Variants in TAFA5 observed in about 807,000 individuals in gnomAD.
TAFA5 encodes the protein TAFA chemokine like family member 5, also known as chemokine-like protein TAFA-5.
Under a neutral mutation model 15.3 loss-of-function variants are expected in TAFA5, and 6 were observed. That is an observed-to-expected ratio of 0.39 (90% CI 0.21 to 0.77). The LOEUF is 0.77. Ranked by LOEUF, TAFA5 falls within the 30% of genes least tolerant of loss-of-function variation. The probability of loss-of-function intolerance (pLI) is 0.41; values close to 1 mark genes in which losing one functional copy is unlikely to be tolerated. For missense variants in TAFA5, 161 were observed against 193.1 expected, an observed-to-expected ratio of 0.83 and a Z score of 0.98; for synonymous variants, 103 against 80.7, an observed-to-expected ratio of 1.28 and a Z score of -1.48.
chr22:48,621,912 T>G (rs1376456461), intron 1 of TAFA5, among the ~76,000 whole-genome samples: 1 of 152,150 alleles, frequency 6.6e-6, no homozygotes, highest in Non-Finnish European at 1.5e-5. Flanking sequence ...TTTGTGCCTC[T>G]GGAGGTGGCT....
chr22:48,727,187 G>A (rs1359224881), intron 3 of TAFA5, among the ~76,000 whole-genome samples: 2 of 152,142 alleles, frequency 1.3e-5, no homozygotes, highest in African/African-American at 4.8e-5. Context: ...AATACATGGG[G>A]CTGGATATAA....
chr22:48,737,078 C>G (rs6010508), intron 3 of TAFA5, among the ~76,000 whole-genome samples: 6,418 of 152,248 alleles, frequency 0.042, 450 homozygotes, highest in African/African-American at 0.15. Context: ...TCTGACAGCA[C>G]AGCAGCTGCA....
chr22:48,583,689 A>AAATACACCACACCCCCCACACACAT (rs1924195998), intron 1 of TAFA5, among the ~76,000 whole-genome samples: 3 of 123,486 alleles, frequency 2.4e-5, no homozygotes, highest in African/African-American at 9.4e-5. Flanking sequence ...ATCACACACA[A>AAATACACCACACCCCCCACACACAT]AATATACACA....
intron 1 of TAFA5, among the ~76,000 whole-genome samples, chr22:48,535,323 C>G (rs1922117599): frequency 6.6e-6 from 1 of 152,210 alleles, no homozygotes; most frequent in African/African-American, 2.4e-5. Context: ...GTAAGATGCA[C>G]ATTTACAAAT....
At chr22:48,558,492 A>G (rs1039547370) in intron 1 of TAFA5, among the ~76,000 whole-genome samples, 1 of 152,188 alleles carries the variant, frequency 6.6e-6, no homozygotes. Flanking sequence ...CTCAAAGCCA[A>G]TAATGAAGTG....
At chr22:48,559,135 C>G (rs552055851) in intron 1 of TAFA5, among the ~76,000 whole-genome samples, 2 of 152,190 alleles carry the variant, frequency 1.3e-5, no homozygotes, top group Non-Finnish European at 2.9e-5. Flanking sequence ...ATACCAGGAA[C>G]CCAGTTGGGC....
At position 48,624,395 on chromosome 22, in the gene TAFA5, G is replaced by A. The variant is rs367905146; in HGVS notation, c.113-22202G>A. ...CCTTGGAAGAGCATCCCTAGGTGCAGCACTCACTTATGGAGTGGGGGAGGG... is the reference window on the plus strand; with the variant it reads ...CCTTGGAAGAGCATCCCTAGGTGCAACACTCACTTATGGAGTGGGGGAGGG... On this transcript the variant is annotated intron_variant, in intron 1 of 3. Transcript: ENST00000402357. Among the ~76,000 whole-genome samples, 4 of 152,238 alleles carry A rather than the reference G, an allele frequency of 2.6e-5. No individual in the cohort carries two copies. The East Asian group carries it at 5.8e-4, about 22-fold the overall frequency.
intron 1 of TAFA5, among the ~76,000 whole-genome samples, chr22:48,528,945 T>C (rs1921869941): frequency 6.6e-6 from 1 of 152,126 alleles, no homozygotes; most frequent in South Asian, 2.1e-4. Context: ...AGGGGGTACA[T>C]TTCAGCTGAA....
chr22:48,629,116 C>G (rs889727367), intron 1 of TAFA5, among the ~76,000 whole-genome samples: 6 of 152,188 alleles, frequency 3.9e-5, no homozygotes, highest in Non-Finnish European at 5.9e-5. Context: ...GACGGGTGCT[C>G]TGGGGCCCCA....
chr22:48,608,382 C>T (rs930490761), intron 1 of TAFA5, among the ~76,000 whole-genome samples: 14 of 152,194 alleles, frequency 9.2e-5, no homozygotes, highest in East Asian at 5.8e-4. Context: ...CGCTGAAATA[C>T]GGTTTTGCCT....
At chr22:48,631,130 C>T (rs1249063901) in intron 1 of TAFA5, among the ~76,000 whole-genome samples, 1 of 152,212 alleles carries the variant, frequency 6.6e-6, no homozygotes, top group East Asian at 1.9e-4. Flanking sequence ...GGCTCACCCA[C>T]TCGGGACGGT....
At chr22:48,684,101 C>T (rs570602986) in intron 2 of TAFA5, among the ~76,000 whole-genome samples, 2 of 152,072 alleles carry the variant, frequency 1.3e-5, no homozygotes, top group South Asian at 4.2e-4. Context: ...TCCCAAGGCC[C>T]CGAGTCTCCT....
intron 2 of TAFA5, among the ~76,000 whole-genome samples, chr22:48,647,703 G>A (rs1926915750): frequency 7.2e-6 from 1 of 138,378 alleles, no homozygotes; most frequent in Non-Finnish European, 1.6e-5. Flanking sequence ...CAGACATGGG[G>A]GCTGCCATGG....
chr22:48,637,788 A>G (rs1555251), intron 1 of TAFA5, among the ~76,000 whole-genome samples: 130,822 of 151,948 alleles, frequency 0.86, 56,806 homozygotes, highest in East Asian at 1. Context: ...CAACACTTTC[A>G]CAGCCACTCC....
chr22:48,724,323 G>A (rs2147263008), intron 3 of TAFA5, among the ~76,000 whole-genome samples: 1 of 152,328 alleles, frequency 6.6e-6, no homozygotes, highest in Admixed American at 6.5e-5. Context: ...AGGACACAGG[G>A]ACATGTGACT....
At chr22:48,580,764 C>CG (rs1191531622) in intron 1 of TAFA5, among the ~76,000 whole-genome samples, 1 of 152,204 alleles carries the variant, frequency 6.6e-6, no homozygotes, top group Non-Finnish European at 1.5e-5. Context: ...CTGCCCCGGC[C>CG]GCCAGGCTCC....
chr22:48,597,938 A>G (rs1386987288), intron 1 of TAFA5, among the ~76,000 whole-genome samples: 1 of 152,232 alleles, frequency 6.6e-6, no homozygotes, highest in Non-Finnish European at 1.5e-5. Flanking sequence ...TGGCATGAAC[A>G]CAGGAGTCCC....
rs1569096809 is a variant in TAFA5 at position 48,729,292 on chromosome 22, T to TTTTATATTTATTTATAAATATATAA, written c.391-20545_391-20521dup. Among the ~76,000 whole-genome samples the TTTTATATTTATTTATAAATATATAA allele has an allele frequency of 7.6e-3, 655 of 85,820 alleles. 13 individuals are homozygous for TTTTATATTTATTTATAAATATATAA. Among genetic ancestry groups the TTTTATATTTATTTATAAATATATAA allele is most frequent in the African/African-American group, 0.027 (604 of 22,070 alleles). 56.3% of individuals were successfully genotyped at this position (85,820 alleles called of 152,430 possible). A position where few individuals can be genotyped will look rare whatever the true frequency, so the allele number is the denominator to read the frequency against. On this transcript the variant is annotated intron_variant, in intron 3 of 3. Coordinates refer to ENST00000402357, the MANE Select transcript of TAFA5 (RefSeq NM_001082967.3). ...ATATTTATTTATAAATATATAATAA[T>TTTTATATTTATTTATAAATATATAA]TTTATATTTATTTATAAATATATAA...
intron 1 of TAFA5, among the ~76,000 whole-genome samples, chr22:48,518,324 G>GC (rs771235241): frequency 6.6e-6 from 1 of 152,148 alleles, no homozygotes; most frequent in East Asian, 1.9e-4. Context: ...AAGGCGCTCT[G>GC]CCCCCCAGAA....
Sources: allele counts gnomAD v4.1 joint callset (sites outside exome capture counted in the v4.1 genomes callset), GRCh38; gene constraint gnomAD v4.1.1; transcripts MANE v1.5; gene names NCBI Gene and HGNC (gene_info 2026-07-23, HGNC 2026-07-21).